The following KIAA0825 variants were observed in gnomAD, a reference collection of about 807,000 sequenced individuals.
KIAA0825 encodes uncharacterized protein KIAA0825.
KIAA0825 carries 119 observed loss-of-function variants against 147.6 expected under a neutral mutation model. The observed-to-expected ratio is 0.81, with a 90% CI of 0.69 to 0.94. The LOEUF (loss-of-function observed/expected upper bound fraction) is 0.94, where lower values mean the gene tolerates loss of function less well. Ranked by LOEUF, KIAA0825 falls within the 40% of genes least tolerant of loss-of-function variation. The probability of loss-of-function intolerance (pLI) is 0.00; values close to 1 mark genes in which losing one functional copy is unlikely to be tolerated. For missense variants in KIAA0825, 1,381 were observed against 1,472.7 expected (o/e 0.94, Z 1.02); for synonymous variants, 470 against 518.1 (o/e 0.91, Z 1.26).
chr5:94,554,747 T>TATATATATATATATGA (rs1239101786), intron 2 of KIAA0825, among the ~76,000 whole-genome samples: 1 of 136,052 alleles, frequency 7.4e-6, no homozygotes, highest in East Asian at 2.0e-4. Context: ...TATATATATA[T>TATATATATATATATGA]ATATATATAT....
intron 1 of KIAA0825, among the ~76,000 whole-genome samples, chr5:94,586,360 C>T (rs1489098466): frequency 6.6e-6 from 1 of 152,170 alleles, no homozygotes; most frequent in Non-Finnish European, 1.5e-5. Flanking sequence ...AAGGGGATAT[C>T]ATCACTGATC....
chr5:94,337,455 T>A (rs1306670485), intron 20 of KIAA0825, among the ~76,000 whole-genome samples: 4 of 152,250 alleles, frequency 2.6e-5, no homozygotes, highest in Admixed American at 2.6e-4. Flanking sequence ...ACATATACTA[T>A]CGTTTCTCTA....
At chr5:94,424,611 T>C (rs150710252) in intron 14 of KIAA0825, among the ~76,000 whole-genome samples, 3 of 151,742 alleles carry the variant, frequency 2.0e-5, no homozygotes, top group African/African-American at 7.3e-5. Context: ...CTCCAGGAAC[T>C]GGAAAAACAA....
chr5:94,270,293 A>G (rs1362783495), intron 20 of KIAA0825, among the ~76,000 whole-genome samples: 3 of 152,178 alleles, frequency 2.0e-5, no homozygotes, highest in Non-Finnish European at 4.4e-5. Flanking sequence ...ATAAATCCAC[A>G]TATCTAGTGA....
chr5:94,306,679 A>G (rs571571722), intron 20 of KIAA0825, among the ~76,000 whole-genome samples: 7 of 151,966 alleles, frequency 4.6e-5, no homozygotes, highest in African/African-American at 7.2e-5. Flanking sequence ...TGAGGAAAAT[A>G]TAGAGATATT....
chr5:94,328,168 C>T (rs1780894978), intron 20 of KIAA0825, among the ~76,000 whole-genome samples: 1 of 151,976 alleles, frequency 6.6e-6, no homozygotes, highest in East Asian at 1.9e-4. Context: ...TTGTATTAAG[C>T]ATATATTACT....
intron 13 of KIAA0825, among the ~76,000 whole-genome samples, chr5:94,448,063 G>C (rs147305644): frequency 2.5e-3 from 376 of 151,806 alleles, no homozygotes; most frequent in African/African-American, 8.6e-3. Context: ...TATTATAATT[G>C]ACTAGGACAG....
rs542925536 is a variant in KIAA0825, at chr5:94,300,684, G to T, written c.3710+83684C>A. ...GCCAATATAAAGAATGAAGCTCAAA[G>T]GCTATGGCTAAACAAAATTATTACT... On this transcript the variant is annotated intron_variant, in intron 20 of 20. Transcript: ENST00000682413. Among the ~76,000 whole-genome samples the T allele has an allele frequency of 4.6e-5, 7 of 152,158 alleles. No individual in the cohort carries two copies. In the South Asian group the frequency reaches 1.5e-3, roughly 32 times the overall value.
chr5:94,526,626 T>A (rs1769331679), intron 3 of KIAA0825, among the ~76,000 whole-genome samples: 1 of 151,776 alleles, frequency 6.6e-6, no homozygotes, highest in African/African-American at 2.4e-5. Context: ...AGTATGCTTT[T>A]AAAAAAAAGA....
Position 94,473,454 on chromosome 5 carries a change from G to A in KIAA0825, c.1293C>T (p.Cys431=), listed in dbSNP as rs1340737438. The A allele has an allele frequency of 2.0e-5, 31 of 1,551,674 alleles. No homozygotes were observed. Among genetic ancestry groups the A allele is most frequent in the Middle Eastern group, 1.7e-4 (1 of 6,016 alleles). ...FKEVSLPMAH[C]VVTAIEGFST... ...AAAAACCTTCAATTGCAGTTACTAC[G>A]CAGTGCGCCATGGGAAGAGACACTT... The change falls in exon 8 of 21, where the codon TGC becomes TGT. Residue 431 remains cysteine (C), a synonymous_variant. Transcript: ENST00000682413.
intron 20 of KIAA0825, among the ~76,000 whole-genome samples, chr5:94,256,201 G>A (rs1288254297): frequency 1.3e-5 from 2 of 152,112 alleles, no homozygotes; most frequent in African/African-American, 2.4e-5. Context: ...GGCAGACACA[G>A]CAGAAAACTC....
intron 6 of KIAA0825, among the ~76,000 whole-genome samples, chr5:94,483,980 C>T (rs924670833): frequency 4.6e-5 from 7 of 150,898 alleles, no homozygotes; most frequent in South Asian, 2.1e-4. Context: ...TATGGTATCA[C>T]GTAAAGGAGA....
intron 20 of KIAA0825, among the ~76,000 whole-genome samples, chr5:94,205,299 A>ATATATATATATATATATATTTT (rs1254935243): frequency 1.5e-5 from 2 of 137,912 alleles, no homozygotes; most frequent in African/African-American, 5.5e-5. Context: ...ATATATATAT[A>ATATATATATATATATATATTTT]TTTTGTTTTG....
In KIAA0825 at chr5:94,477,103, T is replaced by C; in HGVS notation, c.1227+8A>G. 6.5e-7 allele frequency: 1 copy of C among 1,545,226 alleles called. No homozygotes were observed. Among genetic ancestry groups the C allele is most frequent in the Non-Finnish European group, 8.8e-7 (1 of 1,141,644 alleles). The stretch of plus-strand genomic sequence containing the variant: ...GAATTATAAAACACTTCTTTTTCCT[T>C]CACTTACCTCTTTTCCTGGTAGTGA... On this transcript the variant is annotated splice_region_variant and intron_variant, in intron 7 of 20. Transcript: ENST00000682413.
intron 5 of KIAA0825, among the ~76,000 whole-genome samples, chr5:94,516,747 G>A (rs543650296): frequency 4.2e-5 from 6 of 141,732 alleles, no homozygotes; most frequent in South Asian, 2.2e-4. Context: ...CGGAGATCGC[G>A]CCACAGCACT....
intron 5 of KIAA0825, among the ~76,000 whole-genome samples, chr5:94,503,347 C>T (rs1194057824): frequency 6.6e-6 from 1 of 152,090 alleles, no homozygotes; most frequent in Non-Finnish European, 1.5e-5. Flanking sequence ...ACTGAGGAAA[C>T]ACATTCAAGC....
intron 20 of KIAA0825, among the ~76,000 whole-genome samples, chr5:94,356,340 G>C (rs528892476): frequency 6.6e-6 from 1 of 152,094 alleles, no homozygotes; most frequent in South Asian, 2.1e-4. Context: ...GGGAGCGGTG[G>C]CTCATGCCTG....
At chr5:94,539,475 A>G (rs1395842601) in intron 2 of KIAA0825, among the ~76,000 whole-genome samples, 2 of 152,142 alleles carry the variant, frequency 1.3e-5, no homozygotes, top group Admixed American at 1.3e-4. Flanking sequence ...AGAATGGACT[A>G]TAATAAGGAA....
At chr5:94,288,171 A>G (rs1263167006) in intron 20 of KIAA0825, among the ~76,000 whole-genome samples, 1 of 152,142 alleles carries the variant, frequency 6.6e-6, no homozygotes, top group African/African-American at 2.4e-5. Flanking sequence ...AGGGACCTGT[A>G]GCTGGAAGCA....
Sources: gnomAD v4.1 joint callset for allele counts (sites outside exome capture counted in the v4.1 genomes callset) on GRCh38, gnomAD v4.1.1 for gene constraint, MANE v1.5 for transcripts, NCBI Gene and HGNC (gene_info 2026-07-23, HGNC 2026-07-21) for gene names.